PTPRF: variants seen among roughly 807,000 people sequenced by gnomAD.
PTPRF encodes receptor-type tyrosine-protein phosphatase F.
A neutral mutation model predicts 201.8 loss-of-function variants in PTPRF; 59 were observed. The observed-to-expected ratio is 0.29, with a 90% confidence interval of 0.24 to 0.36. The LOEUF (loss-of-function observed/expected upper bound fraction) is 0.36, where lower values mean the gene tolerates loss of function less well. PTPRF is among the 10% of genes least tolerant of loss of function. The probability of loss-of-function intolerance (pLI) is 1.00; values close to 1 mark genes in which losing one functional copy is unlikely to be tolerated. For synonymous variants in PTPRF, 1,088 were observed against 1,089.7 expected, an observed-to-expected ratio of 1.00 and a Z score of 0.03; for missense variants, 2,132 against 2,690.5, an observed-to-expected ratio of 0.79 and a Z score of 4.59.
chr1:43,613,117 C>T (rs567173135), intron 22 of PTPRF: 14 of 339,356 alleles, frequency 4.1e-5, no homozygotes, highest in South Asian at 2.1e-4. Context: ...CTCACACCCC[C>T]CTCCTGGTCT....
At chr1:43,614,714 GGT>G (rs1657304079) in intron 23 of PTPRF, among the ~76,000 whole-genome samples, 1 of 152,134 alleles carries the variant, frequency 6.6e-6, no homozygotes, top group Non-Finnish European at 1.5e-5. Flanking sequence ...AGCCAGCTGT[GGT>G]GGCACATGCC....
chr1:43,571,570 A>G lies in PTPRF; in HGVS notation c.568+1792A>G, dbSNP rs148620693. Among the ~76,000 whole-genome samples the G allele has an allele frequency of 3.2e-3, 482 of 152,268 alleles. 3 individuals are homozygous for G. Among genetic ancestry groups the G allele is most frequent in the African/African-American group, 0.011 (439 of 41,568 alleles). On this transcript the variant is annotated intron_variant, in intron 6 of 33. Coordinates refer to ENST00000359947, the MANE Select transcript of PTPRF (RefSeq NM_002840.5). ...CCCTCCAACCTGGAACATGGGTCTC[A>G]AGTTGGTTTGAGAGCTCTCAAATGT...
At chr1:43,574,195 C>T (rs1347865832) in intron 6 of PTPRF, among the ~76,000 whole-genome samples, 1 of 151,530 alleles carries the variant, frequency 6.6e-6, no homozygotes, top group East Asian at 1.9e-4. Context: ...AGGGTTTCAC[C>T]ATGTTGGTCA....
chr1:43,527,728 G>A (rs1643179300), upstream of PTPRF, among the ~76,000 whole-genome samples: 1 of 152,140 alleles, frequency 6.6e-6, no homozygotes, highest in African/African-American at 2.4e-5. Context: ...GACAATGCGG[G>A]GCAGAGGGAA....
intron 7 of PTPRF, among the ~76,000 whole-genome samples, chr1:43,587,426 C>T (rs1250818988): frequency 1.3e-5 from 2 of 152,152 alleles, no homozygotes; most frequent in Non-Finnish European, 2.9e-5. Flanking sequence ...GTTGACAGGA[C>T]CTGGTGACTT....
At chr1:43,575,490 G>T (rs1646860736) in intron 6 of PTPRF, among the ~76,000 whole-genome samples, 2 of 152,148 alleles carry the variant, frequency 1.3e-5, no homozygotes, top group African/African-American at 4.8e-5. Flanking sequence ...CTTAACACCA[G>T]GCTTTGTTTT....
chr1:43,557,241 C>T lies in PTPRF; in HGVS notation c.379+3300C>T, dbSNP rs1039618261. 9.9e-5 allele frequency among the ~76,000 whole-genome samples: 15 copies of T among 152,170 alleles called. No homozygotes were observed. In the South Asian group the frequency reaches 2.5e-3, roughly 25 times the overall value. ...AGCCCCAGGTCCTGGGTCAGGAGCC[C>T]TCTTACCTCTGCCACTGCCCTGGGC... On this transcript the variant is annotated intron_variant, in intron 5 of 33. Coordinates refer to ENST00000359947, the MANE Select transcript of PTPRF (RefSeq NM_002840.5).
chr1:43,568,498 A>G (rs1570077076), intron 5 of PTPRF, among the ~76,000 whole-genome samples: 1 of 152,204 alleles, frequency 6.6e-6, no homozygotes, highest in African/African-American at 2.4e-5. Flanking sequence ...TGCATGCATG[A>G]TCAGATACAG....
chr1:43,610,633 A>G (rs1656206826), intron 22 of PTPRF, among the ~76,000 whole-genome samples: 1 of 152,228 alleles, frequency 6.6e-6, no homozygotes, highest in Admixed American at 6.5e-5. Context: ...TGATCCCAGC[A>G]CTTTGGGAGG....
Position 43,622,873 on chromosome 1 carries a change from AAAC to A in PTPRF, c.*873_*875del, listed in dbSNP as rs1659477133. On this transcript the variant is annotated 3_prime_UTR_variant, in exon 34 of 34. Coordinates refer to ENST00000359947, the MANE Select transcript of PTPRF (RefSeq NM_002840.5). ...AAAAACAAAAAACCACAAAAATAAA[AAAC>A]AAAAAAAACAAAAAACCCAAGAAAA... is the stretch of plus-strand genomic sequence containing the variant. 6.6e-6 allele frequency: 1 copy of A among 152,570 alleles called. No individual in the cohort carries two copies. The highest frequency in any genetic ancestry group is 1.5e-5 in the Non-Finnish European group (1 of 68,066). 9.5% of individuals were successfully genotyped at this position (152,570 alleles called of 1,614,324 possible).
chr1:43,558,642 G>T (rs949761002), intron 5 of PTPRF, among the ~76,000 whole-genome samples: 1 of 152,176 alleles, frequency 6.6e-6, no homozygotes, highest in Non-Finnish European at 1.5e-5. Flanking sequence ...GGCAGGAAAA[G>T]CTCTTCTCGC....
intron 29 of PTPRF, 96 bp from the exon 30 acceptor site, chr1:43,619,999 G>A: frequency 6.3e-7 from 1 of 1,576,502 alleles, no homozygotes; most frequent in Non-Finnish European, 8.6e-7. Context: ...CTGGAGGAGG[G>A]GTGATCTGAG....
At chr1:43,618,792 A>G in intron 26 of PTPRF, 43 bp downstream of exon 26, 1 of 1,580,332 alleles carries the variant, frequency 6.3e-7, no homozygotes, top group African/African-American at 1.3e-5. Flanking sequence ...CAGACACTGT[A>G]AGGACAGTGG....
rs751890381 is a variant in PTPRF at position 43,598,867 on chromosome 1, C to T, written c.2267C>T (p.Pro756Leu). The change falls in exon 13 of 34, where the codon CCC (proline) becomes CTC (leucine). Residue 756 changes from proline (P) to leucine (L), a missense_variant. Coordinates refer to ENST00000359947, the MANE Select transcript of PTPRF (RefSeq NM_002840.5). ...TACGTGCGGCTGGAGAATGGCGAGC[C>T]CCGTGGACTCCCCATCATCCAAGAC... ...VTYVRLENGEPRGLPIIQDVM... is the reference protein window; with the variant it reads ...VTYVRLENGELRGLPIIQDVM... 1.1e-5 allele frequency: 17 copies of T among 1,613,976 alleles called. No homozygotes were observed. Among genetic ancestry groups the T allele is most frequent in the Non-Finnish European group, 1.4e-5 (17 of 1,180,006 alleles).
In PTPRF at chr1:43,620,179, C is replaced by T; in HGVS notation, c.5196C>T (p.Ser1732=). Reference sequence around the variant, plus strand: ...GGCGCATGCTATGGGAGCACAATTCCACCATCATCGTCATGCTGACCAAGC... The same window carrying T: ...GGCGCATGCTATGGGAGCACAATTCTACCATCATCGTCATGCTGACCAAGC... The part of the protein sequence containing the change: ...DFWRMLWEHN[S]TIIVMLTKLR... Residue 1732 remains serine, a synonymous_variant, in exon 30 of 34, where the codon TCC becomes TCT. Coordinates refer to ENST00000359947, the MANE Select transcript of PTPRF (RefSeq NM_002840.5). The T allele has an allele frequency of 1.2e-6, 2 of 1,614,118 alleles. No individual in the cohort carries two copies. Among genetic ancestry groups the T allele is most frequent in the Non-Finnish European group, 1.7e-6 (2 of 1,179,978 alleles).
At chr1:43,532,213 C>T (rs1396858703) in intron 1 of PTPRF, among the ~76,000 whole-genome samples, 1 of 152,198 alleles carries the variant, frequency 6.6e-6, no homozygotes, top group Non-Finnish European at 1.5e-5. Flanking sequence ...TGCTGCCCCT[C>T]TGGTTCTTCC....
At chr1:43,601,167 T>C (rs970884898) in intron 13 of PTPRF, among the ~76,000 whole-genome samples, 1 of 152,210 alleles carries the variant, frequency 6.6e-6, no homozygotes, top group African/African-American at 2.4e-5. Context: ...AGACCGGCAC[T>C]GTGGGGGTGC....
In PTPRF at chr1:43,569,497, C is replaced by T; in HGVS notation, c.380-93C>T. The T allele has an allele frequency of 3.7e-6, 5 of 1,367,584 alleles. No homozygotes were observed. The Admixed American group carries it at 9.3e-5, about 25-fold the overall frequency. The allele number at this position is 1,367,584 out of a possible 1,614,324, so 84.7% of individuals were successfully genotyped here. On this transcript the variant is annotated intron_variant, in intron 5 of 33. Transcript: ENST00000359947. ...AAAGGGGAGGGGAGTCTTGAGGGCC[C>T]TGGCCAACCTGCAGTTGGGGAGGTT...
intron 7 of PTPRF, among the ~76,000 whole-genome samples, chr1:43,587,727 T>C: frequency 6.6e-6 from 1 of 152,202 alleles, no homozygotes. Flanking sequence ...AGTGCCCGTG[T>C]AGGACACACC....
Sources: allele counts gnomAD v4.1 joint callset (sites outside exome capture counted in the v4.1 genomes callset), GRCh38; gene constraint gnomAD v4.1.1; transcripts MANE v1.5; gene names NCBI Gene and HGNC (gene_info 2026-07-23, HGNC 2026-07-21).